Variants in BRSK2 observed in about 807,000 individuals in gnomAD.
BRSK2 encodes the protein serine/threonine-protein kinase BRSK2.
BRSK2 carries 19 observed loss-of-function variants against 83.3 expected under a neutral mutation model. That is an observed-to-expected ratio of 0.23 (90% CI 0.16 to 0.33). BRSK2 has a LOEUF of 0.33. BRSK2 is among the 10% of genes least tolerant of loss of function. The pLI, the probability that BRSK2 is intolerant of heterozygous loss-of-function variation, is 1.00. For synonymous variants in BRSK2, 519 were observed against 435.4 expected (o/e 1.19, Z -2.39); for missense variants, 798 against 1,042.3 (o/e 0.77, Z 3.23).
chr11:1,421,597 GCA>G (rs1848635112), intron 1 of BRSK2, among the ~76,000 whole-genome samples: 1 of 152,214 alleles, frequency 6.6e-6, no homozygotes, highest in Non-Finnish European at 1.5e-5. Context: ...CCTTCCCTCT[GCA>G]CCTGGCACTG....
In BRSK2 at chr11:1,460,734, C is replaced by CCCCCCCCCAGCACGGCG; in HGVS notation, c.*19_*20insAGCACGGCGCCCCCCCC. 1 of 796,554 alleles carries CCCCCCCCCAGCACGGCG rather than the reference C, an allele frequency of 1.3e-6. No individual in the cohort carries two copies. Among genetic ancestry groups the CCCCCCCCCAGCACGGCG allele is most frequent in the Non-Finnish European group, 1.6e-6 (1 of 626,040 alleles). 49.3% of individuals were successfully genotyped at this position (796,554 alleles called of 1,614,324 possible). ...CGCGAGCAGCCTTAGACACACTAGC[C>CCCCCCCCCAGCACGGCG]CCCCCCCCCAGCACAGCACTGACAG... On this transcript the variant is annotated 3_prime_UTR_variant, in exon 20 of 20. Transcript: ENST00000528841.
At chr11:1,449,905 C>G in intron 13 of BRSK2, 69 bp downstream of exon 13, 1 of 1,296,574 alleles carries the variant, frequency 7.7e-7, no homozygotes, top group Non-Finnish European at 1.1e-6. Flanking sequence ...CAGCGTGTGC[C>G]AGGGTGGGGG....
Position 1,390,218 on chromosome 11 carries a change from G to C in BRSK2, c.-67G>C. 1 of 869,758 alleles carries C rather than the reference G, an allele frequency of 1.1e-6. No homozygotes were observed. Among genetic ancestry groups the C allele is most frequent in the Admixed American group, 6.4e-5 (1 of 15,696 alleles). 53.9% of individuals were successfully genotyped at this position (869,758 alleles called of 1,614,324 possible). A position where few individuals can be genotyped will look rare whatever the true frequency, so the allele number is the denominator to read the frequency against. On this transcript the variant is annotated 5_prime_UTR_variant, in exon 1 of 20. Coordinates refer to ENST00000528841, the MANE Select transcript of BRSK2 (RefSeq NM_001256627.2). The surrounding 1 kb of genome is among the most constrained non-coding windows in gnomAD (Gnocchi z 6.8). Reference sequence around the variant, plus strand: ...CGGACGGCACTCGGCGGACGCGGGCGGACGCTGGGCGGCCCCTCCCTGCCC... The same window carrying C: ...CGGACGGCACTCGGCGGACGCGGGCCGACGCTGGGCGGCCCCTCCCTGCCC...
chr11:1,450,029 TTTTG>T (rs779158452), intron 13 of BRSK2, among the ~76,000 whole-genome samples, 193 bp downstream of exon 13: 74 of 152,178 alleles, frequency 4.9e-4, no homozygotes, highest in African/African-American at 1.1e-3. Flanking sequence ...TTTTGTTTTG[TTTTG>T]TTTGTTTTCT....
chr11:1,443,166 C>G, intron 6 of BRSK2, 27 bp downstream of exon 6: 7 of 1,537,148 alleles, frequency 4.6e-6, no homozygotes, highest in Non-Finnish European at 6.1e-6. Flanking sequence ...GCGTGCAGCT[C>G]TGTGGGGCCC....
chr11:1,458,506 G>C (rs1358450938), intron 18 of BRSK2, among the ~76,000 whole-genome samples: 1 of 152,130 alleles, frequency 6.6e-6, no homozygotes, highest in African/African-American at 2.4e-5. Flanking sequence ...CCAGCTCCAA[G>C]GATGTGTGGA....
chr11:1,456,231 T>G, intron 16 of BRSK2, 117 bp from the exon 17 acceptor site: 2 of 1,097,214 alleles, frequency 1.8e-6, no homozygotes, highest in Middle Eastern at 3.1e-4. Flanking sequence ...GAAGCAGAGG[T>G]GCCTGGGTGC....
intron 1 of BRSK2, among the ~76,000 whole-genome samples, chr11:1,404,981 C>A (rs1455065858): frequency 1.1e-4 from 2 of 18,060 alleles, no homozygotes; most frequent in East Asian, 3.5e-3. Context: ...GGCGGGCGTG[C>A]AGGCCTCTGT....
At position 1,450,830 on chromosome 11, in the gene BRSK2, G is replaced by A; in HGVS notation, c.1495+36G>A. 4 of 1,551,362 alleles carry A rather than the reference G, an allele frequency of 2.6e-6. No individual in the cohort carries two copies. In the South Asian group the frequency reaches 3.6e-5, roughly 14 times the overall value. ...GCCCGGAGGCGCCAGAGTGGGGCTG[G>A]GAGAGAGCAGAGGCTGCCTTGGGGA... On this transcript the variant is annotated intron_variant, in intron 14 of 19. Transcript: ENST00000528841.
intron 1 of BRSK2, among the ~76,000 whole-genome samples, chr11:1,420,323 T>C (rs10833693): frequency 0.26 from 39,676 of 152,150 alleles, 5,328 homozygotes; most frequent in South Asian, 0.4. Context: ...GCCAGGGCTG[T>C]CCCAACCTGT....
At chr11:1,406,193 G>A (rs773778218) in intron 1 of BRSK2, among the ~76,000 whole-genome samples, 8 of 152,182 alleles carry the variant, frequency 5.3e-5, no homozygotes, top group South Asian at 2.1e-4. Context: ...AAACTGGGCC[G>A]GGCGCAGTGG....
intron 1 of BRSK2, among the ~76,000 whole-genome samples, chr11:1,393,149 A>C (rs1479183216): frequency 1.3e-5 from 2 of 152,152 alleles, no homozygotes; most frequent in Non-Finnish European, 2.9e-5. Flanking sequence ...CCCTGCCAGC[A>C]AGGGCAACCA....
chr11:1,411,430 G>T (rs549758145), intron 1 of BRSK2: 38 of 1,467,524 alleles, frequency 2.6e-5, no homozygotes, highest in East Asian at 7.7e-5. Flanking sequence ...CACCCCAGCC[G>T]ATGGGCACGT....
chr11:1,397,219 C>T (rs1475701197), intron 1 of BRSK2, among the ~76,000 whole-genome samples: 3 of 152,192 alleles, frequency 2.0e-5, no homozygotes, highest in Admixed American at 1.3e-4. Flanking sequence ...GGCCTCACCC[C>T]AGGGATGTCC....
Position 1,452,843 on chromosome 11 carries a change from C to T in BRSK2, c.1544+1424C>T, listed in dbSNP as rs149326150. On this transcript the variant is annotated intron_variant, in intron 15 of 19. Coordinates refer to ENST00000528841, the MANE Select transcript of BRSK2 (RefSeq NM_001256627.2). ...CCAGCACGGATGCCTCCCACAGTCC[C>T]TCTTTGGCGACAACTCGCTTGCTGG... Among the ~76,000 whole-genome samples the T allele has an allele frequency of 8.7e-4, 133 of 152,374 alleles. 1 individual carries two copies. The highest frequency in any genetic ancestry group is 3.1e-3 in the African/African-American group (127 of 41,588).
rs761210575 is a variant in BRSK2, at chr11:1,435,999, C to T, written c.92-41C>T. 116 of 1,506,412 alleles carry T rather than the reference C, an allele frequency of 7.7e-5. 1 individual carries two copies. The highest frequency in any genetic ancestry group is 9.9e-5 in the Non-Finnish European group (109 of 1,096,506). 93.3% of individuals were successfully genotyped at this position (1,506,412 alleles called of 1,614,324 possible). On this transcript the variant is annotated intron_variant, in intron 1 of 19. Transcript: ENST00000528841. The stretch of plus-strand genomic sequence containing the variant: ...TGTCCGGCTGGGTGCTCGCTGCAGG[C>T]ACCCTGGGTGGGTCTGAGCGCGGCT...
At chr11:1,442,633 G>A in intron 5 of BRSK2, 27 bp downstream of exon 5, 1 of 1,565,746 alleles carries the variant, frequency 6.4e-7, no homozygotes, top group Non-Finnish European at 8.8e-7. Flanking sequence ...CCTGGAGAGA[G>A]GCTGGGGGAC....
At chr11:1,448,007 A>G (rs2133157944) in intron 12 of BRSK2, 1 of 856,466 alleles carries the variant, frequency 1.2e-6, no homozygotes, top group East Asian at 2.7e-5. Flanking sequence ...CAAGCCAGGC[A>G]AGGGCCCGCG....
chr11:1,397,915 A>G (rs11822148), intron 1 of BRSK2, among the ~76,000 whole-genome samples: 63,474 of 151,972 alleles, frequency 0.42, 13,893 homozygotes, highest in Non-Finnish European at 0.46. Context: ...CAGGGCATTC[A>G]CGCCATCACT....
Sources: allele counts gnomAD v4.1 joint callset (sites outside exome capture counted in the v4.1 genomes callset), GRCh38; gene constraint gnomAD v4.1.1; non-coding constraint Gnocchi (gnomAD v3.1); transcripts MANE v1.5; gene names NCBI Gene and HGNC (gene_info 2026-07-23, HGNC 2026-07-21).